The following CFAP53 variants were observed in gnomAD, a reference collection of about 807,000 sequenced individuals.
CFAP53 encodes cilia- and flagella-associated protein 53.
A neutral mutation model predicts 59.7 loss-of-function variants in CFAP53; 62 were observed. That is an observed-to-expected ratio of 1.04 (90% CI 0.85 to 1.28). The LOEUF (loss-of-function observed/expected upper bound fraction) is 1.28, where lower values mean the gene tolerates loss of function less well. Ranked by LOEUF, CFAP53 falls within the 50% of genes most tolerant of loss-of-function variation. CFAP53 has a pLI of 0.00. For missense variants in CFAP53, 629 were observed against 615.6 expected (o/e 1.02, Z -0.23); for synonymous variants, 218 against 205.7 (o/e 1.06, Z -0.51).
chr18:50,247,910 TG>T (rs1375055406), intron 5 of CFAP53, among the ~76,000 whole-genome samples: 1 of 152,212 alleles, frequency 6.6e-6, no homozygotes, highest in Non-Finnish European at 1.5e-5. Context: ...CTGAATTGTA[TG>T]GTTTAAACTG....
Position 50,255,921 on chromosome 18 carries a change from A to C in CFAP53, c.474-4137T>G, listed in dbSNP as rs774175944. 6 of 152,304 alleles carry C rather than the reference A, an allele frequency of 3.9e-5. No homozygotes were observed. In the South Asian group the frequency reaches 6.2e-4, roughly 16 times the overall value. The allele number at this position is 152,304 out of a possible 1,614,324, so 9.4% of individuals were successfully genotyped here. On this transcript the variant is annotated intron_variant, in intron 3 of 7. Coordinates refer to ENST00000398545, the MANE Select transcript of CFAP53 (RefSeq NM_145020.5). ...TCTGCTTTATATTAATATACATATT[A>C]AAGCCTCAACTATATTTTCAGTAAT...
At chr18:50,239,903 A>G (rs2033672469) in intron 6 of CFAP53, among the ~76,000 whole-genome samples, 1 of 152,232 alleles carries the variant, frequency 6.6e-6, no homozygotes, top group Admixed American at 6.5e-5. Flanking sequence ...AATGGTCTCA[A>G]TAAATTTTCC....
intron 3 of CFAP53, among the ~76,000 whole-genome samples, chr18:50,255,830 G>A (rs1305821243): frequency 6.7e-6 from 1 of 149,664 alleles, no homozygotes; most frequent in Non-Finnish European, 1.5e-5. Context: ...CTGTCACCAG[G>A]AGAAGAAATA....
At position 50,266,324 on chromosome 18, in the gene CFAP53, T is replaced by G; in HGVS notation, c.69+12A>C. On this transcript the variant is annotated intron_variant, in intron 1 of 7. Coordinates refer to ENST00000398545, the MANE Select transcript of CFAP53 (RefSeq NM_145020.5). ...AAAGCTGTAGGGTCTGGCAGACATA[T>G]CCTGTGCTTACCACGATCACCACTT... 6.2e-7 allele frequency: 1 copy of G among 1,613,676 alleles called. No individual in the cohort carries two copies. Among genetic ancestry groups the G allele is most frequent in the South Asian group, 1.1e-5 (1 of 91,078 alleles).
chr18:50,249,763 G>T (rs2033780012), intron 5 of CFAP53, among the ~76,000 whole-genome samples: 1 of 152,160 alleles, frequency 6.6e-6, no homozygotes, highest in Non-Finnish European at 1.5e-5. Flanking sequence ...AAAGATCCTG[G>T]TGATGATGAG....
At chr18:50,260,472 C>T (rs949302084) in intron 3 of CFAP53, among the ~76,000 whole-genome samples, 2 of 151,980 alleles carry the variant, frequency 1.3e-5, no homozygotes, top group African/African-American at 2.4e-5. Context: ...AACCACCCTG[C>T]GCAACATGAC....
intron 5 of CFAP53, among the ~76,000 whole-genome samples, chr18:50,245,044 C>G (rs1192945349): frequency 5.3e-5 from 6 of 113,328 alleles, no homozygotes; most frequent in Non-Finnish European, 1.0e-4. Context: ...GCCTGGGTGA[C>G]AGAATGAGAC....
intron 1 of CFAP53, 84 bp downstream of exon 1, chr18:50,266,252 G>T: frequency 7.6e-7 from 1 of 1,315,010 alleles, no homozygotes; most frequent in Non-Finnish European, 1.1e-6. Context: ...GGCCCCGGGT[G>T]GGGGCCGAAG....
rs528876078 is a variant in CFAP53 at position 50,257,064 on chromosome 18, G to A, written c.473+4000C>T. On this transcript the variant is annotated intron_variant, in intron 3 of 7. Coordinates refer to ENST00000398545, the MANE Select transcript of CFAP53 (RefSeq NM_145020.5). ...AATGGCTATGTTTTAAACACTTCCAGGTAATATTTTGGACTGTAAAAATCC... is the reference window on the plus strand; with the variant it reads ...AATGGCTATGTTTTAAACACTTCCAAGTAATATTTTGGACTGTAAAAATCC... Among the ~76,000 whole-genome samples, 7 of 151,702 alleles carry A rather than the reference G, an allele frequency of 4.6e-5. No individual in the cohort carries two copies. In the South Asian group the frequency reaches 1.5e-3, roughly 32 times the overall value.
chr18:50,241,648 G>A (rs1398593619), intron 6 of CFAP53, among the ~76,000 whole-genome samples: 1 of 152,062 alleles, frequency 6.6e-6, no homozygotes, highest in Non-Finnish European at 1.5e-5. Flanking sequence ...GGACCATGAT[G>A]GCGACCTCAA....
chr18:50,262,190 A>G lies in CFAP53; in HGVS notation c.99T>C (p.Ala33=), dbSNP rs767097100. Residue 33 remains alanine (A), a synonymous_variant, in exon 2 of 8, where the codon GCT becomes GCC. Coordinates refer to ENST00000398545, the MANE Select transcript of CFAP53 (RefSeq NM_145020.5). The part of the protein sequence containing the change: ...VRSKPPKGQG[A]EHHLERIRRS... Reference sequence around the variant, plus strand: ...GTCGGATTCTTTCTAGATGGTGCTCAGCTCCTTGGCCTTTAGGAGGCTTGG... The same window carrying G: ...GTCGGATTCTTTCTAGATGGTGCTCGGCTCCTTGGCCTTTAGGAGGCTTGG... 4 of 1,614,062 alleles carry G rather than the reference A, an allele frequency of 2.5e-6. No homozygotes were observed. The highest frequency in any genetic ancestry group is 2.5e-6 in the Non-Finnish European group (3 of 1,179,992).
intron 4 of CFAP53, 31 bp from the exon 5 acceptor site, chr18:50,251,007 T>A: frequency 6.4e-7 from 1 of 1,570,528 alleles, no homozygotes; most frequent in Non-Finnish European, 8.8e-7. Flanking sequence ...AGATAATGCA[T>A]CAGTACAGTT....
At chr18:50,261,938 T>G in intron 2 of CFAP53, 52 bp downstream of exon 2, 2 of 1,428,222 alleles carry the variant, frequency 1.4e-6, no homozygotes, top group Non-Finnish European at 2.0e-6. Context: ...CAATCTCAAA[T>G]TGTGGTTTTA....
rs1467642685 is a variant in CFAP53, at chr18:50,233,420, TTA to T, written c.1316+5181_1316+5182del. Among the ~76,000 whole-genome samples, 4 of 152,316 alleles carry T rather than the reference TTA, an allele frequency of 2.6e-5. 1 individual carries two copies. The highest frequency in any genetic ancestry group is 5.9e-5 in the Non-Finnish European group (4 of 68,020). On this transcript the variant is annotated intron_variant, in intron 7 of 7. Coordinates refer to ENST00000398545, the MANE Select transcript of CFAP53 (RefSeq NM_145020.5). ...CGTCACCCTCTTAATATTGATGCTT[TTA>T]TAAGGGAGGTAGTTTACGACTGCTA...
At chr18:50,241,968 G>A (rs530699569) in intron 6 of CFAP53, among the ~76,000 whole-genome samples, 6 of 152,192 alleles carry the variant, frequency 3.9e-5, no homozygotes, top group Admixed American at 2.0e-4. Flanking sequence ...TATCTCAACC[G>A]CATAAGACAG....
Position 50,251,507 on chromosome 18 carries a change from G to A in CFAP53, c.751C>T (p.Leu251=), listed in dbSNP as rs1328108255. 6 of 1,613,602 alleles carry A rather than the reference G, an allele frequency of 3.7e-6. No homozygotes were observed. Among genetic ancestry groups the A allele is most frequent in the Non-Finnish European group, 5.1e-6 (6 of 1,180,000 alleles). The change falls in exon 4 of 8, where the codon CTG becomes TTG. Residue 251 remains leucine, a synonymous_variant. Coordinates refer to ENST00000398545, the MANE Select transcript of CFAP53 (RefSeq NM_145020.5). ...ACAAGGCGTGCCTCCTCTTCCTTCA[G>A]CAGCTGTGTCGCCTGCCTTTGTGCC... ...IKAQRQATQL[L]KEEEARLVES... is the part of the protein sequence containing the mutation.
chr18:50,230,812 T>A (rs935583288), intron 7 of CFAP53, among the ~76,000 whole-genome samples: 5 of 152,152 alleles, frequency 3.3e-5, no homozygotes, highest in Non-Finnish European at 5.9e-5. Flanking sequence ...CAGAAAACAC[T>A]CCATCAACTT....
At position 50,258,960 on chromosome 18, in the gene CFAP53, T is replaced by A. The variant is rs377717809; in HGVS notation, c.473+2104A>T. On this transcript the variant is annotated intron_variant, in intron 3 of 7. Coordinates refer to ENST00000398545, the MANE Select transcript of CFAP53 (RefSeq NM_145020.5). ...TATCTAAAAGACAGGCAATAACAAA[T>A]CTTGGTGAGGATGCAGAGAAAAGGG... Among the ~76,000 whole-genome samples, 6 of 152,270 alleles carry A rather than the reference T, an allele frequency of 3.9e-5. No homozygotes were observed. The East Asian group carries it at 5.8e-4, about 15-fold the overall frequency.
At chr18:50,262,322 G>A in intron 1 of CFAP53, 103 bp from the exon 2 acceptor site, 3 of 972,298 alleles carry the variant, frequency 3.1e-6, no homozygotes, top group South Asian at 1.6e-5. Context: ...ATAAAATTGG[G>A]TATAAAAAAC....
Sources: gnomAD v4.1 joint callset for allele counts (sites outside exome capture counted in the v4.1 genomes callset) on GRCh38, gnomAD v4.1.1 for gene constraint, MANE v1.5 for transcripts, NCBI Gene and HGNC (gene_info 2026-07-23, HGNC 2026-07-21) for gene names.